The following TNNI3K variants were observed in gnomAD, a reference collection of about 807,000 sequenced individuals.
The protein encoded by TNNI3K is serine/threonine-protein kinase TNNI3K.
Under a neutral mutation model 114.5 loss-of-function variants are expected in TNNI3K, and 140 were observed. The ratio of observed to expected loss-of-function variants is 1.22; its 90% confidence interval spans 1.07 to 1.41. TNNI3K has a LOEUF of 1.41. Among genes scored for constraint, TNNI3K ranks in the 40% most tolerant of loss-of-function variants. The pLI, the probability that TNNI3K is intolerant of heterozygous loss-of-function variation, is 0.00. For missense variants in TNNI3K, 1,125 were observed against 1,007.6 expected (o/e 1.12, Z -1.58); for synonymous variants, 347 against 347.5 (o/e 1.00, Z 0.02).
intron 17 of TNNI3K, among the ~76,000 whole-genome samples, chr1:74,417,682 TTGTGTGTGTG>T (rs10529693): frequency 0.065 from 8,843 of 137,056 alleles, 604 homozygotes; most frequent in African/African-American, 0.2. Context: ...GTGTACGTGT[TTGTGTGTGTG>T]TGTGTGTGTG....
intron 2 of TNNI3K, among the ~76,000 whole-genome samples, chr1:74,246,750 T>C (rs1012724694): frequency 4.6e-5 from 7 of 152,216 alleles, no homozygotes; most frequent in Non-Finnish European, 8.8e-5. Flanking sequence ...GGAGCTCTTC[T>C]GTAGCAATAA....
intron 7 of TNNI3K, among the ~76,000 whole-genome samples, chr1:74,340,437 A>G (rs1660695800): frequency 6.6e-6 from 1 of 152,174 alleles, no homozygotes; most frequent in Admixed American, 6.6e-5. Context: ...AAATTGGTCG[A>G]AGACAAAACT....
intron 23 of TNNI3K, among the ~76,000 whole-genome samples, chr1:74,525,928 A>G (rs1371926136): frequency 6.6e-6 from 1 of 152,222 alleles, no homozygotes; most frequent in South Asian, 2.1e-4. Flanking sequence ...CACCCCAGCT[A>G]CATAATATCA....
chr1:74,235,989 A>C lies in TNNI3K; in HGVS notation c.41-113A>C, dbSNP rs1397613552. On this transcript the variant is annotated intron_variant, in intron 1 of 24. Transcript: ENST00000326637. ...AACACACAATCAGTAATTTAAATTAAGTATTGTAGAATCTAGAATAAAAAA... is the reference window on the plus strand; with the variant it reads ...AACACACAATCAGTAATTTAAATTACGTATTGTAGAATCTAGAATAAAAAA... 6.4e-6 allele frequency: 4 copies of C among 621,226 alleles called. No individual in the cohort carries two copies. The Admixed American group carries it at 1.5e-4, about 23-fold the overall frequency. The allele number at this position is 621,226 out of a possible 1,614,324, so 38.5% of individuals were successfully genotyped here.
chr1:74,483,618 G>C (rs1668606758), intron 21 of TNNI3K, among the ~76,000 whole-genome samples: 1 of 152,126 alleles, frequency 6.6e-6, no homozygotes, highest in East Asian at 1.9e-4. Flanking sequence ...TTAGTATTTT[G>C]AAAAAATTAA....
At chr1:74,270,461 G>T (rs2027013) in intron 4 of TNNI3K, among the ~76,000 whole-genome samples, 6,714 of 151,710 alleles carry the variant, frequency 0.044, 190 homozygotes, top group Non-Finnish European at 0.054. Flanking sequence ...GGTTGAAGAT[G>T]CAATATTTAT....
At chr1:74,256,681 T>G (rs916314299) in intron 4 of TNNI3K, among the ~76,000 whole-genome samples, 1 of 152,098 alleles carries the variant, frequency 6.6e-6, no homozygotes, top group Non-Finnish European at 1.5e-5. Context: ...CATTTCATAG[T>G]CCACTCCCTG....
At chr1:74,367,848 A>T (rs1013134921) in intron 12 of TNNI3K, 60 bp from the exon 13 acceptor site, 4 of 1,473,642 alleles carry the variant, frequency 2.7e-6, no homozygotes, top group Non-Finnish European at 3.7e-6. Context: ...ATAATGTTGA[A>T]CTTTTATGTA....
chr1:74,336,432 G>A (rs1197636940), intron 7 of TNNI3K, among the ~76,000 whole-genome samples: 1 of 151,904 alleles, frequency 6.6e-6, no homozygotes, highest in East Asian at 1.9e-4. Flanking sequence ...CATGTGCCAT[G>A]CTGGTGCGCT....
At chr1:74,506,849 A>T (rs1246226074) in intron 23 of TNNI3K, among the ~76,000 whole-genome samples, 3 of 152,040 alleles carry the variant, frequency 2.0e-5, no homozygotes, top group African/African-American at 7.2e-5. Context: ...TCCTAATCTC[A>T]TTCTTACACT....
At chr1:74,525,610 A>G (rs1474646835) in intron 23 of TNNI3K, among the ~76,000 whole-genome samples, 1 of 152,238 alleles carries the variant, frequency 6.6e-6, no homozygotes, top group East Asian at 1.9e-4. Context: ...TACAGAGATA[A>G]GTAACAAAGC....
chr1:74,436,014 G>A (rs1016744150), intron 17 of TNNI3K, 66 bp from the exon 18 acceptor site: 2 of 1,551,812 alleles, frequency 1.3e-6, no homozygotes, highest in Non-Finnish European at 1.7e-6. Context: ...TCTTTGAGGG[G>A]CCAATTAGAT....
At chr1:74,295,659 A>G (rs1657934427) in intron 5 of TNNI3K, among the ~76,000 whole-genome samples, 1 of 152,176 alleles carries the variant, frequency 6.6e-6, no homozygotes, top group African/African-American at 2.4e-5. Flanking sequence ...TTTTAGCAAT[A>G]TCACTATGCC....
chr1:74,483,454 G>A, intron 21 of TNNI3K: 1 of 631,264 alleles, frequency 1.6e-6, no homozygotes, highest in Non-Finnish European at 3.0e-6. Context: ...CAGGTCATGA[G>A]GCATTTTGGT....
chr1:74,287,196 G>A lies in TNNI3K; in HGVS notation c.444+15488G>A, dbSNP rs147259067. ...AAAAAGGAGAAAAAGAATGACAAACGTGGAAAAGCCTACAGCACTTTTGGT... is the reference window on the plus strand; with the variant it reads ...AAAAAGGAGAAAAAGAATGACAAACATGGAAAAGCCTACAGCACTTTTGGT... On this transcript the variant is annotated intron_variant, in intron 5 of 24. Transcript: ENST00000326637. 2.8e-3 allele frequency among the ~76,000 whole-genome samples: 432 copies of A among 152,212 alleles called. 5 individuals are homozygous for A. The highest frequency in any genetic ancestry group is 9.7e-3 in the African/African-American group (402 of 41,548).
rs45606132 is a variant in TNNI3K at position 74,464,145 on chromosome 1, A to G, written c.2121+595A>G. On this transcript the variant is annotated intron_variant, in intron 21 of 24. Coordinates refer to ENST00000326637, the MANE Select transcript of TNNI3K (RefSeq NM_015978.3). ...AAAAGAATAGAGAGGGAATAGTCAT[A>G]TTATCACAGAATGAAATTCCAAACA... is the stretch of plus-strand genomic sequence containing the variant. Among the ~76,000 whole-genome samples, 1,002 of 152,350 alleles carry G rather than the reference A, an allele frequency of 6.6e-3. 3 individuals carry two copies. Among genetic ancestry groups the G allele is most frequent in the Non-Finnish European group, 0.011 (717 of 68,038 alleles).
At chr1:74,470,276 A>T in intron 21 of TNNI3K, 1 of 400,626 alleles carries the variant, frequency 2.5e-6, no homozygotes, top group Non-Finnish European at 4.4e-6. Context: ...CCATTTTCCC[A>T]AGTTTGCTGC....
chr1:74,362,803 CAAATT>C (rs1662040023), intron 11 of TNNI3K, among the ~76,000 whole-genome samples: 1 of 151,944 alleles, frequency 6.6e-6, no homozygotes, highest in Non-Finnish European at 1.5e-5. Context: ...CACAAATAGA[CAAATT>C]AAAGGGAAAG....
intron 23 of TNNI3K, among the ~76,000 whole-genome samples, chr1:74,533,527 A>C (rs1211074080): frequency 6.6e-6 from 1 of 152,182 alleles, no homozygotes; most frequent in African/African-American, 2.4e-5. Context: ...ATCTAGAACT[A>C]GAAATACCAT....
Sources: allele counts gnomAD v4.1 joint callset (sites outside exome capture counted in the v4.1 genomes callset), GRCh38; gene constraint gnomAD v4.1.1; transcripts MANE v1.5; gene names NCBI Gene and HGNC (gene_info 2026-07-23, HGNC 2026-07-21).